Variants in WIF1 observed in about 807,000 individuals in gnomAD.
The protein encoded by WIF1 is Wnt inhibitory factor 1.
A neutral mutation model predicts 53.5 loss-of-function variants in WIF1; 35 were observed. The ratio of observed to expected loss-of-function variants is 0.65; its 90% CI spans 0.50 to 0.87. The LOEUF is 0.87. Among genes scored for constraint, WIF1 ranks in the 40% least tolerant of loss-of-function variants. The probability of loss-of-function intolerance (pLI) is 0.00; values close to 1 mark genes in which losing one functional copy is unlikely to be tolerated. For missense variants in WIF1, 467 were observed against 476.8 expected (o/e 0.98, Z 0.19); for synonymous variants, 171 against 170.4 (o/e 1.00, Z -0.03).
chr12:65,089,802 C>T (rs181563429), intron 2 of WIF1, among the ~76,000 whole-genome samples: 13 of 152,252 alleles, frequency 8.5e-5, no homozygotes, highest in Admixed American at 3.9e-4. Flanking sequence ...TCTTTCCTGT[C>T]CCCTTCCTCA....
intron 2 of WIF1, among the ~76,000 whole-genome samples, chr12:65,109,769 C>T (rs529394003): frequency 1.6e-4 from 24 of 152,300 alleles, no homozygotes; most frequent in African/African-American, 5.1e-4. Context: ...TTTCTTTCTT[C>T]TCTTGTTTCC....
chr12:65,069,748 G>A (rs1882744641), intron 3 of WIF1, among the ~76,000 whole-genome samples: 1 of 152,196 alleles, frequency 6.6e-6, no homozygotes, highest in Admixed American at 6.5e-5. Flanking sequence ...AAAGAGGGAA[G>A]GAGGACACCC....
rs71096021 is a variant in WIF1 at position 65,083,780 on chromosome 12, CCCTTTCCTTTCCTTT to C, written c.289-5941_289-5927del. 1.5e-4 allele frequency: 35 copies of C among 239,734 alleles called. 1 individual carries two copies. The highest frequency in any genetic ancestry group is 2.3e-3 in the Middle Eastern group (2 of 870). The allele number at this position is 239,734 out of a possible 1,614,324, so 14.9% of individuals were successfully genotyped here. ...CCTTTCCTCTTTTCCTTTTCCCTTT[CCCTTTCCTTTCCTTT>C]CCTTTCCTTTCCTTTCCTTTCCTCT... On this transcript the variant is annotated intron_variant, in intron 2 of 9. Transcript: ENST00000286574.
chr12:65,105,654 T>C (rs1458988221), intron 2 of WIF1, among the ~76,000 whole-genome samples: 1 of 152,062 alleles, frequency 6.6e-6, no homozygotes, highest in Non-Finnish European at 1.5e-5. Context: ...TGACCCACTT[T>C]CTAAGAACCC....
intron 7 of WIF1, among the ~76,000 whole-genome samples, chr12:65,056,591 T>C (rs1336390126): frequency 6.6e-6 from 1 of 151,988 alleles, no homozygotes; most frequent in Non-Finnish European, 1.5e-5. Flanking sequence ...AGATATACTT[T>C]ACTAAAAGTT....
chr12:65,064,520 A>G (rs1243492208), intron 6 of WIF1, among the ~76,000 whole-genome samples: 1 of 152,166 alleles, frequency 6.6e-6, no homozygotes, highest in Non-Finnish European at 1.5e-5. Flanking sequence ...AGTAGTAATT[A>G]AATCATTTTT....
At chr12:65,111,724 A>G (rs956316795) in intron 2 of WIF1, among the ~76,000 whole-genome samples, 5 of 152,190 alleles carry the variant, frequency 3.3e-5, no homozygotes, top group Non-Finnish European at 7.3e-5. Context: ...TCAAGAGCAG[A>G]TAACTGGTTC....
chr12:65,100,655 C>T (rs1003808501), intron 2 of WIF1, among the ~76,000 whole-genome samples: 1 of 152,026 alleles, frequency 6.6e-6, no homozygotes, highest in Non-Finnish European at 1.5e-5. Flanking sequence ...TTTTACGCAT[C>T]AAGTTGTTCT....
At chr12:65,115,313 A>T (rs1162254421) in intron 2 of WIF1, among the ~76,000 whole-genome samples, 1 of 152,168 alleles carries the variant, frequency 6.6e-6, no homozygotes, top group South Asian at 2.1e-4. Flanking sequence ...TGACCTTTGT[A>T]AGTAAAGATC....
intron 2 of WIF1, among the ~76,000 whole-genome samples, chr12:65,106,909 A>G (rs1246709373): frequency 6.6e-6 from 1 of 152,252 alleles, no homozygotes; most frequent in East Asian, 1.9e-4. Flanking sequence ...TAAAAGAAAA[A>G]GAATATGTAA....
intron 2 of WIF1, among the ~76,000 whole-genome samples, chr12:65,081,174 T>C (rs1316174251): frequency 6.6e-6 from 1 of 152,148 alleles, no homozygotes; most frequent in Non-Finnish European, 1.5e-5. Context: ...CCGTGGCTGA[T>C]GATTCTTTTT....
chr12:65,094,244 C>T (rs150894225), intron 2 of WIF1, among the ~76,000 whole-genome samples: 11 of 152,232 alleles, frequency 7.2e-5, no homozygotes, highest in East Asian at 5.8e-4. Flanking sequence ...CACTCATTTG[C>T]GGAAAGCAAT....
Position 65,067,695 on chromosome 12 carries a change from C to T in WIF1, c.634G>A (p.Ala212Thr). ...DGFHGPHCEK[A>T]LCTPRCMNGG... ...AAGGGAAATCGGCTCCATGTCTTAC[C>T]TTTCTCACAGTGAGGTCCGTGGAAC... The change falls in exon 5 of 10, where the codon GCC becomes ACC. Residue 212 changes from alanine to threonine, a missense_variant and splice_region_variant. Physicochemically the swap from Ala to Thr is moderately conservative, Grantham distance 58. Transcript: ENST00000286574. 3 of 1,613,044 alleles carry T rather than the reference C, an allele frequency of 1.9e-6. No homozygotes were observed. Among genetic ancestry groups the T allele is most frequent in the Admixed American group, 1.7e-5 (1 of 59,944 alleles).
chr12:65,064,948 C>A (rs1172572388), intron 6 of WIF1, among the ~76,000 whole-genome samples: 1 of 152,006 alleles, frequency 6.6e-6, no homozygotes, highest in Non-Finnish European at 1.5e-5. Context: ...AGTTTTGAGG[C>A]AATAAGAGTT....
At chr12:65,089,550 C>T (rs6581608) in intron 2 of WIF1, among the ~76,000 whole-genome samples, 83,120 of 151,922 alleles carry the variant, frequency 0.55, 25,146 homozygotes, top group East Asian at 0.87. Context: ...TGGCTAGCTA[C>T]AACTTTCTCT....
chr12:65,051,339 A>G lies in WIF1; in HGVS notation c.*10T>C, dbSNP rs1452297969. 2 of 1,609,816 alleles carry G rather than the reference A, an allele frequency of 1.2e-6. No homozygotes were observed. The highest frequency in any genetic ancestry group is 3.4e-5 in the Admixed American group (2 of 58,978). On this transcript the variant is annotated 3_prime_UTR_variant, in exon 10 of 10. Transcript: ENST00000286574. Reference sequence around the variant, plus strand: ...CTTGGTGTAACTTAAAACGTTTCAGATGTCGGAGTTCACCAGATGTAATTG... The same window carrying G: ...CTTGGTGTAACTTAAAACGTTTCAGGTGTCGGAGTTCACCAGATGTAATTG...
chr12:65,073,229 C>A (rs1288179726), intron 3 of WIF1, among the ~76,000 whole-genome samples: 6 of 152,182 alleles, frequency 3.9e-5, no homozygotes, highest in Admixed American at 3.9e-4. Context: ...AGCTGCCCTG[C>A]CAGCCATTCA....
chr12:65,085,213 T>C (rs1167022644), intron 2 of WIF1, among the ~76,000 whole-genome samples: 1 of 152,198 alleles, frequency 6.6e-6, no homozygotes, highest in East Asian at 1.9e-4. Flanking sequence ...TCCAAAATGC[T>C]TGGGACCAGA....
At chr12:65,087,530 A>G (rs74099741) in intron 2 of WIF1, among the ~76,000 whole-genome samples, 4,610 of 152,068 alleles carry the variant, frequency 0.03, 239 homozygotes, top group African/African-American at 0.11. Context: ...ATTAGGTCAT[A>G]TTTTTCTTAG....
Sources: gnomAD v4.1 joint callset for allele counts (sites outside exome capture counted in the v4.1 genomes callset) on GRCh38, gnomAD v4.1.1 for gene constraint, MANE v1.5 for transcripts, NCBI Gene and HGNC (gene_info 2026-07-23, HGNC 2026-07-21) for gene names.